Variants in ELP6 observed in about 807,000 individuals in gnomAD.
ELP6 encodes elongator acetyltransferase complex subunit 6.
Under a neutral mutation model 28.1 loss-of-function variants are expected in ELP6, and 23 were observed. The observed-to-expected ratio is 0.82, with a 90% CI of 0.59 to 1.16. The LOEUF (loss-of-function observed/expected upper bound fraction) is 1.16. ELP6 is among the 50% of genes most tolerant of loss of function. The pLI is 0.00. For missense variants in ELP6, 313 were observed against 334.6 expected, an observed-to-expected ratio of 0.94 and a Z score of 0.50; for synonymous variants, 132 against 135.8, an observed-to-expected ratio of 0.97 and a Z score of 0.19.
chr3:47,498,048 T>C (rs764748900), intron 6 of ELP6: 11 of 981,886 alleles, frequency 1.1e-5, no homozygotes, highest in Non-Finnish European at 1.3e-5. Context: ...TGTCTCCTCT[T>C]TAAGAGTGCC....
rs761449624 is a variant in ELP6, at chr3:47,498,192, A to G, written c.672+94T>C. 4 of 1,523,744 alleles carry G rather than the reference A, an allele frequency of 2.6e-6. No individual in the cohort carries two copies. The African/African-American group carries it at 4.1e-5, about 16-fold the overall frequency. 94.4% of individuals were successfully genotyped at this position (1,523,744 alleles called of 1,614,324 possible). A position where few individuals can be genotyped will look rare whatever the true frequency, so the allele number is the denominator to read the frequency against. On this transcript the variant is annotated intron_variant, in intron 6 of 6. Coordinates refer to ENST00000296149, the MANE Select transcript of ELP6 (RefSeq NM_001031703.3). Reference sequence around the variant, plus strand: ...CCCTTCCACCTGAAGTCATGTCCCAACCAGACAGTCCCTCAGGCCTGACTC... The same window carrying G: ...CCCTTCCACCTGAAGTCATGTCCCAGCCAGACAGTCCCTCAGGCCTGACTC...
At chr3:47,508,544 C>CT (rs1468606450) in intron 3 of ELP6, among the ~76,000 whole-genome samples, 5 of 152,178 alleles carry the variant, frequency 3.3e-5, no homozygotes, top group Middle Eastern at 3.4e-3. Flanking sequence ...TTATCAAATG[C>CT]TTTTTTTGCA....
At chr3:47,507,855 C>T (rs895680993) in intron 3 of ELP6, among the ~76,000 whole-genome samples, 1 of 152,156 alleles carries the variant, frequency 6.6e-6, no homozygotes, top group Non-Finnish European at 1.5e-5. Context: ...CAATATGCCA[C>T]GAGTATAGAA....
At chr3:47,507,264 G>C (rs1345658138) in intron 3 of ELP6, among the ~76,000 whole-genome samples, 1 of 151,504 alleles carries the variant, frequency 6.6e-6, no homozygotes, top group Middle Eastern at 3.2e-3. Context: ...GGGAAACTGA[G>C]GCAGGAGAAT....
intron 3 of ELP6, among the ~76,000 whole-genome samples, chr3:47,507,832 T>C (rs139507402): frequency 1.0e-3 from 154 of 152,260 alleles, no homozygotes; most frequent in South Asian, 7.2e-3. Context: ...CCACTCTATT[T>C]ATGTAAGTGC....
intron 1 of ELP6, chr3:47,511,781 A>G: frequency 1.0e-6 from 1 of 992,296 alleles, no homozygotes; most frequent in Non-Finnish European, 1.2e-6. Flanking sequence ...CTCTAGAAAG[A>G]CCTCTAAGGG....
chr3:47,509,089 G>A (rs938845274), intron 3 of ELP6, among the ~76,000 whole-genome samples: 5 of 151,282 alleles, frequency 3.3e-5, no homozygotes, highest in African/African-American at 7.3e-5. Flanking sequence ...TTATTGAAAC[G>A]CTGTGTCACT....
chr3:47,508,113 C>T (rs1474751796), intron 3 of ELP6, among the ~76,000 whole-genome samples: 2 of 152,240 alleles, frequency 1.3e-5, no homozygotes, highest in African/African-American at 4.8e-5. Context: ...GTTCTCCCTT[C>T]TCTGCAAAGG....
Position 47,495,885 on chromosome 3 carries a change from T to C in ELP6, c.*184A>G. 1 of 977,710 alleles carries C rather than the reference T, an allele frequency of 1.0e-6. No individual in the cohort carries two copies. Among genetic ancestry groups the C allele is most frequent in the East Asian group, 3.0e-5 (1 of 33,300 alleles). The allele number at this position is 977,710 out of a possible 1,614,324, so 60.6% of individuals were successfully genotyped here. On this transcript the variant is annotated 3_prime_UTR_variant, in exon 7 of 7. Coordinates refer to ENST00000296149, the MANE Select transcript of ELP6 (RefSeq NM_001031703.3). ...GGCAGGATTGTGGTCCCTTGTGTTT[T>C]CTGAACAGGGCCCAGGGCAGCCAAG...
intron 1 of ELP6, chr3:47,511,824 T>A: frequency 3.0e-6 from 3 of 986,014 alleles, no homozygotes; most frequent in Non-Finnish European, 3.6e-6. Flanking sequence ...TCCTGCTCCA[T>A]TCACCTCTAT....
intron 4 of ELP6, chr3:47,503,467 T>C (rs1241844285): frequency 1.6e-6 from 2 of 1,286,814 alleles, no homozygotes; most frequent in Admixed American, 2.3e-5. Context: ...GTAAATATTT[T>C]AGGCTTGCAG....
intron 6 of ELP6, chr3:47,496,998 G>A: frequency 2.0e-6 from 2 of 985,406 alleles, no homozygotes; most frequent in Non-Finnish European, 2.4e-6. Flanking sequence ...AGGCCCTGCT[G>A]CAGCACTACA....
At chr3:47,508,212 C>G (rs182455775) in intron 3 of ELP6, among the ~76,000 whole-genome samples, 3 of 152,302 alleles carry the variant, frequency 2.0e-5, no homozygotes, top group Non-Finnish European at 4.4e-5. Context: ...AATAGTAAGA[C>G]TGGATTTTAT....
intron 3 of ELP6, 44 bp downstream of exon 3, chr3:47,510,140 C>G (rs540067743): frequency 7.0e-7 from 1 of 1,430,678 alleles, no homozygotes; most frequent in Admixed American, 1.7e-5. Flanking sequence ...GTGTGACACA[C>G]ACACTCACTC....
intron 3 of ELP6, among the ~76,000 whole-genome samples, chr3:47,505,264 C>T (rs1708794902): frequency 6.6e-6 from 1 of 151,786 alleles, no homozygotes. Context: ...GAAACTGTCT[C>T]AAAAACAAAC....
chr3:47,498,125 G>T, intron 6 of ELP6, 161 bp downstream of exon 6: 1 of 1,359,646 alleles, frequency 7.4e-7, no homozygotes, highest in Non-Finnish European at 9.9e-7. Context: ...AGCGCAATCT[G>T]GAGCAGGTCT....
chr3:47,498,391 C>T lies in ELP6; in HGVS notation c.567G>A (p.Glu189=). Residue 189 remains glutamate, a synonymous_variant, in exon 6 of 7, where the codon GAG becomes GAA. Coordinates refer to ENST00000296149, the MANE Select transcript of ELP6 (RefSeq NM_001031703.3). ...VVLVHDSGDA[E]DEENDILLNG... ...TCAGCAGGATGTCATTCTCCTCATC[C>T]TCCGCATCTCCACTGTCGTGCACAA... 1.9e-6 allele frequency: 3 copies of T among 1,613,604 alleles called. No individual in the cohort carries two copies. The highest frequency in any genetic ancestry group is 2.5e-6 in the Non-Finnish European group (3 of 1,180,032).
intron 3 of ELP6, chr3:47,509,923 A>G (rs1462397905): frequency 2.7e-5 from 8 of 294,584 alleles, no homozygotes; most frequent in Non-Finnish European, 5.1e-5. Flanking sequence ...CACCACGCCC[A>G]GCTAATTTTT....
Position 47,496,010 on chromosome 3 carries a change from T to G in ELP6, c.*59A>C, listed in dbSNP as rs1184810419. On this transcript the variant is annotated 3_prime_UTR_variant, in exon 7 of 7. Transcript: ENST00000296149. ...GGAGAAAGACCCATTCTTGCTATGT[T>G]GCTCTATCTTCCACGTCCAAAAACA... 9 of 1,610,886 alleles carry G rather than the reference T, an allele frequency of 5.6e-6. No homozygotes were observed. Among genetic ancestry groups the G allele is most frequent in the Non-Finnish European group, 7.6e-6 (9 of 1,178,940 alleles).
Sources: gnomAD v4.1 joint callset for allele counts (sites outside exome capture counted in the v4.1 genomes callset) on GRCh38, gnomAD v4.1.1 for gene constraint, MANE v1.5 for transcripts, NCBI Gene and HGNC (gene_info 2026-07-23, HGNC 2026-07-21) for gene names.